The following CACNA2D1 variants were observed in gnomAD, a reference collection of about 807,000 sequenced individuals.
The protein encoded by CACNA2D1 is calcium voltage-gated channel auxiliary subunit alpha2delta 1.
A neutral mutation model predicts 171.5 loss-of-function variants in CACNA2D1; 53 were observed. That is an observed-to-expected ratio of 0.31 (90% CI 0.25 to 0.39). The LOEUF (loss-of-function observed/expected upper bound fraction) is 0.39, where lower values mean the gene tolerates loss of function less well. Among genes scored for constraint, CACNA2D1 ranks in the 10% least tolerant of loss-of-function variants. The probability of loss-of-function intolerance (pLI) is 1.00; values close to 1 mark genes in which losing one functional copy is unlikely to be tolerated. For missense variants in CACNA2D1, 903 were observed against 1,299.8 expected, an observed-to-expected ratio of 0.69 and a Z score of 4.69; for synonymous variants, 442 against 443.1, an observed-to-expected ratio of 1.00 and a Z score of 0.03.
At chr7:82,427,203 G>A (rs1023020006) in intron 1 of CACNA2D1, among the ~76,000 whole-genome samples, 2 of 152,030 alleles carry the variant, frequency 1.3e-5, no homozygotes, top group Non-Finnish European at 2.9e-5. Context: ...CAATTTGGAT[G>A]GTAGCAAAAT....
chr7:82,418,451 T>C (rs962331778), intron 1 of CACNA2D1, among the ~76,000 whole-genome samples: 4 of 152,078 alleles, frequency 2.6e-5, no homozygotes, highest in African/African-American at 7.2e-5. Flanking sequence ...TATTTCTTCT[T>C]TGTAGAAAGA....
At chr7:82,379,871 C>T (rs1167697744) in intron 1 of CACNA2D1, among the ~76,000 whole-genome samples, 1 of 152,118 alleles carries the variant, frequency 6.6e-6, no homozygotes, top group Admixed American at 6.5e-5. Flanking sequence ...TCTTACCCTT[C>T]CTCCAATCTT....
intron 25 of CACNA2D1, among the ~76,000 whole-genome samples, chr7:81,973,560 GGGA>G (rs1339388608): frequency 6.6e-6 from 1 of 151,948 alleles, no homozygotes; most frequent in Non-Finnish European, 1.5e-5. Context: ...ACAAAAAGAA[GGGA>G]GGAGGAGAAG....
In CACNA2D1 at chr7:82,271,872, T is replaced by G. The variant is rs558124622; in HGVS notation, c.294+63263A>C. Among the ~76,000 whole-genome samples, 9 of 152,188 alleles carry G rather than the reference T, an allele frequency of 5.9e-5. No individual in the cohort carries two copies. In the South Asian group the frequency reaches 1.9e-3, roughly 32 times the overall value. ...TCATAGACAATAGATGATGGATAAA[T>G]GGCTAGACCAGGAAAGCAGCTAATT... is the stretch of plus-strand genomic sequence containing the variant. On this transcript the variant is annotated intron_variant, in intron 3 of 38. Coordinates refer to ENST00000356860, the MANE Select transcript of CACNA2D1 (RefSeq NM_000722.4).
At chr7:82,317,727 T>C (rs150241405) in intron 3 of CACNA2D1, among the ~76,000 whole-genome samples, 90 of 152,188 alleles carry the variant, frequency 5.9e-4, no homozygotes, top group African/African-American at 1.8e-3. Flanking sequence ...GCAGCCCTGA[T>C]TTTCCTTGCC....
intron 5 of CACNA2D1, among the ~76,000 whole-genome samples, chr7:82,128,429 A>G (rs780755095): frequency 6.6e-6 from 1 of 152,216 alleles, no homozygotes; most frequent in East Asian, 1.9e-4. Flanking sequence ...GTAGATAACT[A>G]TAAAATGCCC....
In CACNA2D1 at chr7:82,240,966, C is replaced by CA. The variant is rs201212928; in HGVS notation, c.295-70358dup. ...TGGGCGACAGAGCAAGACTCCATCTCAAAAAAAAAAAAGCAACTTTAAGGT... is the reference window on the plus strand; with the variant it reads ...TGGGCGACAGAGCAAGACTCCATCTCAAAAAAAAAAAAAGCAACTTTAAGGT... On this transcript the variant is annotated intron_variant, in intron 3 of 38. Coordinates refer to ENST00000356860, the MANE Select transcript of CACNA2D1 (RefSeq NM_000722.4). Among the ~76,000 whole-genome samples the CA allele has an allele frequency of 2.3e-3, 292 of 126,122 alleles. 1 individual carries two copies. Among genetic ancestry groups the CA allele is most frequent in the African/African-American group, 5.8e-3 (202 of 35,038 alleles). The allele number at this position is 126,122 out of a possible 152,430, so 82.7% of individuals were successfully genotyped here. A position where few individuals can be genotyped will look rare whatever the true frequency, so the allele number is the denominator to read the frequency against.
intron 3 of CACNA2D1, among the ~76,000 whole-genome samples, chr7:82,249,830 C>T (rs1162568133): frequency 6.6e-6 from 1 of 152,200 alleles, no homozygotes. Context: ...CTACATAATC[C>T]TATCTACATT....
At chr7:82,129,192 TCTC>T (rs1790678585) in intron 5 of CACNA2D1, among the ~76,000 whole-genome samples, 1 of 152,198 alleles carries the variant, frequency 6.6e-6, no homozygotes, top group Admixed American at 6.6e-5. Flanking sequence ...CTACTAGAAA[TCTC>T]CTCTTGAATA....
At chr7:82,104,112 G>T (rs258677) in intron 6 of CACNA2D1, among the ~76,000 whole-genome samples, 52,760 of 151,726 alleles carry the variant, frequency 0.35, 9,654 homozygotes, top group East Asian at 0.4. Flanking sequence ...ACCATGAAAA[G>T]AATCTAATTA....
intron 3 of CACNA2D1, among the ~76,000 whole-genome samples, chr7:82,291,593 A>C (rs1256318091): frequency 7.0e-6 from 1 of 142,650 alleles, no homozygotes; most frequent in East Asian, 2.0e-4. Flanking sequence ...TAGATATATA[A>C]TATATAAAAA....
At chr7:82,202,290 C>G (rs2129207353) in intron 3 of CACNA2D1, among the ~76,000 whole-genome samples, 1 of 152,268 alleles carries the variant, frequency 6.6e-6, no homozygotes, top group South Asian at 2.1e-4. Flanking sequence ...CTCAAGTGTT[C>G]TTTCAGCTGC....
At chr7:82,416,170 G>A (rs541872178) in intron 1 of CACNA2D1, among the ~76,000 whole-genome samples, 3 of 151,996 alleles carry the variant, frequency 2.0e-5, no homozygotes, top group East Asian at 1.9e-4. Context: ...AGCTGAGATC[G>A]TGCCACTGCA....
intron 3 of CACNA2D1, among the ~76,000 whole-genome samples, chr7:82,280,702 G>A (rs754369272): frequency 6.6e-6 from 1 of 151,904 alleles, no homozygotes. Context: ...ATTTTTTAGA[G>A]ACAGAGTTTT....
At chr7:82,267,525 T>C (rs903377060) in intron 3 of CACNA2D1, among the ~76,000 whole-genome samples, 1 of 152,256 alleles carries the variant, frequency 6.6e-6, no homozygotes, top group Non-Finnish European at 1.5e-5. Context: ...AATATGGTAT[T>C]ACTGTATACC....
rs549438593 is a variant in CACNA2D1, at chr7:81,991,120, G to A, written c.1796+65C>T. On this transcript the variant is annotated intron_variant, in intron 21 of 38. Coordinates refer to ENST00000356860, the MANE Select transcript of CACNA2D1 (RefSeq NM_000722.4). The stretch of plus-strand genomic sequence containing the variant: ...GTGAAAATCACATGAAAATTCACTT[G>A]TGAAAATGCAGACTTAATATTAATC... 3.3e-4 allele frequency: 276 copies of A among 826,546 alleles called. 3 individuals carry two copies. In the South Asian group the frequency reaches 3.9e-3, roughly 12 times the overall value. The allele number at this position is 826,546 out of a possible 1,614,324, so 51.2% of individuals were successfully genotyped here. A position where few individuals can be genotyped will look rare whatever the true frequency, so the allele number is the denominator to read the frequency against.
intron 18 of CACNA2D1, 84 bp from the exon 19 acceptor site, chr7:81,997,334 A>T (rs1168144453): frequency 1.1e-6 from 1 of 870,494 alleles, no homozygotes; most frequent in Admixed American, 1.7e-5. Context: ...GTATTTATGA[A>T]ATTGTGCAAA....
At chr7:82,389,306 A>G (rs1271327011) in intron 1 of CACNA2D1, among the ~76,000 whole-genome samples, 1 of 151,702 alleles carries the variant, frequency 6.6e-6, no homozygotes, top group Non-Finnish European at 1.5e-5. Context: ...GAAAGTTATT[A>G]TTTTGACTGT....
At chr7:81,994,555 C>A (rs37097) in intron 20 of CACNA2D1, among the ~76,000 whole-genome samples, 5,063 of 152,006 alleles carry the variant, frequency 0.033, 269 homozygotes, top group African/African-American at 0.11. Flanking sequence ...AACATGGCAA[C>A]ATTATATTGT....
Sources: allele counts gnomAD v4.1 joint callset (sites outside exome capture counted in the v4.1 genomes callset), GRCh38; gene constraint gnomAD v4.1.1; transcripts MANE v1.5; gene names NCBI Gene and HGNC (gene_info 2026-07-23, HGNC 2026-07-21).